Variants in ERMARD observed in about 807,000 individuals in gnomAD.
ERMARD encodes the protein endoplasmic reticulum membrane-associated RNA degradation protein.
In ERMARD, 71 loss-of-function variants were observed where a neutral mutation model predicts 83.9. That is an observed-to-expected ratio of 0.85 (90% CI 0.70 to 1.03). ERMARD has a LOEUF of 1.03. ERMARD is among the 50% of genes least tolerant of loss of function. The pLI is 0.00. For missense variants in ERMARD, 838 were observed against 810.9 expected (o/e 1.03, Z -0.41); for synonymous variants, 284 against 298.6 (o/e 0.95, Z 0.50).
Position 169,776,409 on chromosome 6 carries a change from C to A in ERMARD, c.1521-46C>A. 3 of 1,590,700 alleles carry A rather than the reference C, an allele frequency of 1.9e-6. No homozygotes were observed. In the South Asian group the frequency reaches 3.4e-5, roughly 18 times the overall value. ...GCAGGTGCAGAAGGAGAGTGAGGCC[C>A]AGGTGAGGATCATGATGCCTGCTCC... On this transcript the variant is annotated intron_variant, in intron 15 of 17. Coordinates refer to ENST00000366773, the MANE Select transcript of ERMARD (RefSeq NM_018341.3).
intron 1 of ERMARD, among the ~76,000 whole-genome samples, chr6:169,752,142 G>A (rs1790200186): frequency 6.6e-6 from 1 of 152,232 alleles, no homozygotes; most frequent in Non-Finnish European, 1.5e-5. Context: ...GATCGCTTTA[G>A]CCCAGGAGGT....
intron 15 of ERMARD, 182 bp downstream of exon 15, chr6:169,776,247 C>T: frequency 2.0e-6 from 3 of 1,532,946 alleles, no homozygotes; most frequent in South Asian, 2.4e-5. Context: ...CTTGGCACAT[C>T]TGATGAGGCT....
At chr6:169,779,115 TTTTC>T in intron 16 of ERMARD, 63 bp from the exon 17 acceptor site, 1 of 1,361,368 alleles carries the variant, frequency 7.3e-7, no homozygotes, top group East Asian at 2.3e-5. Context: ...TGAAACATCT[TTTTC>T]CTGATGAAGG....
At chr6:169,773,511 T>C (rs1284274546) in intron 13 of ERMARD, 109 bp downstream of exon 13, 2 of 1,083,612 alleles carry the variant, frequency 1.8e-6, no homozygotes, top group South Asian at 1.4e-5. Context: ...GACTTTGAGT[T>C]GGGCAGATCC....
At chr6:169,751,952 T>G (rs1300019810) in intron 1 of ERMARD, 2 of 445,176 alleles carry the variant, frequency 4.5e-6, no homozygotes, top group Non-Finnish European at 7.7e-6. Context: ...GGGAGGGCTG[T>G]GCGCGGTGGC....
intron 5 of ERMARD, among the ~76,000 whole-genome samples, chr6:169,757,896 G>C (rs1463163655): frequency 6.6e-6 from 1 of 152,170 alleles, no homozygotes; most frequent in Non-Finnish European, 1.5e-5. Flanking sequence ...TTGTTTCTTC[G>C]ATCTGTTCTT....
chr6:169,751,787 G>C, intron 1 of ERMARD, 124 bp downstream of exon 1: 2 of 1,332,370 alleles, frequency 1.5e-6, no homozygotes, highest in Non-Finnish European at 2.0e-6. Flanking sequence ...GCGGTCCCGC[G>C]CTGGAGGGCG....
chr6:169,775,228 T>G (rs763813274), intron 13 of ERMARD, 42 bp from the exon 14 acceptor site: 1 of 1,591,886 alleles, frequency 6.3e-7, no homozygotes, highest in African/African-American at 1.3e-5. Flanking sequence ...TTCTAGGAAG[T>G]TACTGTGAAA....
intron 10 of ERMARD, chr6:169,767,090 C>T (rs749541694): frequency 6.4e-5 from 10 of 157,204 alleles, no homozygotes; most frequent in Non-Finnish European, 1.4e-4. Flanking sequence ...TTGTCAGCCA[C>T]GGAGCGCACA....
intron 3 of ERMARD, chr6:169,755,696 A>G: frequency 5.4e-6 from 2 of 367,568 alleles, no homozygotes; most frequent in Non-Finnish European, 9.8e-6. Context: ...ATCCAAGGAT[A>G]GAGGAAAAAT....
chr6:169,772,602 A>T (rs1793089366), intron 12 of ERMARD, among the ~76,000 whole-genome samples: 1 of 151,942 alleles, frequency 6.6e-6, no homozygotes, highest in Non-Finnish European at 1.5e-5. Context: ...CCCCGTCTCT[A>T]CTAAAAAATA....
intron 9 of ERMARD, among the ~76,000 whole-genome samples, chr6:169,765,865 A>G (rs150597531): frequency 2.3e-4 from 23 of 100,194 alleles, no homozygotes; most frequent in African/African-American, 1.1e-3. Flanking sequence ...CATGCTGTCA[A>G]ATCTCACTGA....
rs1793924083 is a variant in ERMARD, at chr6:169,779,187, G to A, written c.1745G>A (p.Arg582Lys). Residue 582 changes from arginine (R) to lysine (K), a missense_variant, in exon 17 of 18, where the codon AGA becomes AAA. Coordinates refer to ENST00000366773, the MANE Select transcript of ERMARD (RefSeq NM_018341.3). The part of the protein sequence containing the change: ...QNYLRMWSSI[R>K]LLSPVLSLIL... ...TTACTTTTATCTGTTTTTAGTATCA[G>A]ACTACTGTCCCCTGTGCTCAGCCTG... The A allele has an allele frequency of 1.2e-6, 2 of 1,613,656 alleles. No individual in the cohort carries two copies. The highest frequency in any genetic ancestry group is 1.7e-6 in the Non-Finnish European group (2 of 1,179,534).
chr6:169,777,436 C>T (rs1161709403), intron 16 of ERMARD, among the ~76,000 whole-genome samples: 1 of 152,122 alleles, frequency 6.6e-6, no homozygotes, highest in Admixed American at 6.5e-5. Flanking sequence ...AAATGGGAGG[C>T]AGGTTTGCCT....
intron 17 of ERMARD, among the ~76,000 whole-genome samples, chr6:169,779,508 T>G (rs1033660935): frequency 2.0e-5 from 3 of 151,998 alleles, no homozygotes; most frequent in African/African-American, 4.8e-5. Context: ...GTTTTGTTTT[T>G]TTTGGAGACA....
At chr6:169,751,471 T>G, upstream of ERMARD, 1 of 1,612,870 alleles carries the variant, frequency 6.2e-7, no homozygotes, top group Non-Finnish European at 8.5e-7. Context: ...CGCTCTGTTC[T>G]CCAAGACGCC....
chr6:169,764,699 C>T (rs940475918), intron 9 of ERMARD, among the ~76,000 whole-genome samples: 3 of 152,194 alleles, frequency 2.0e-5, no homozygotes, highest in Non-Finnish European at 2.9e-5. Context: ...AGCAAGGCCT[C>T]GGGTTCTAAC....
At chr6:169,756,312 C>T (rs761635051) in intron 3 of ERMARD, 26 bp from the exon 4 acceptor site, 12 of 1,438,284 alleles carry the variant, frequency 8.3e-6, no homozygotes, top group East Asian at 2.3e-5. Context: ...GAGTGTACAT[C>T]CTAATATGTG....
chr6:169,776,772 T>C, intron 16 of ERMARD, 99 bp downstream of exon 16: 1 of 1,367,650 alleles, frequency 7.3e-7, no homozygotes, highest in South Asian at 1.3e-5. Flanking sequence ...CAGTAGCCCC[T>C]CACTGAACCC....
Sources: allele counts gnomAD v4.1 joint callset (sites outside exome capture counted in the v4.1 genomes callset), GRCh38; gene constraint gnomAD v4.1.1; transcripts MANE v1.5; gene names NCBI Gene and HGNC (gene_info 2026-07-23, HGNC 2026-07-21).